ZFAND2A: variants seen among roughly 807,000 people sequenced by gnomAD.
ZFAND2A encodes the protein zinc finger AN1-type containing 2A.
Under a neutral mutation model 11.6 loss-of-function variants are expected in ZFAND2A, and 20 were observed. The observed-to-expected ratio is 1.72, with a 90% CI of 1.21 to 2.50. The LOEUF (loss-of-function observed/expected upper bound fraction) is 2.50, where lower values mean the gene tolerates loss of function less well. Among genes scored for constraint, ZFAND2A ranks in the 30% most tolerant of loss-of-function variants. The pLI, the probability that ZFAND2A is intolerant of heterozygous loss-of-function variation, is 0.00. For synonymous variants in ZFAND2A, 93 were observed against 60.6 expected, an observed-to-expected ratio of 1.54 and a Z score of -2.48; for missense variants, 234 against 182.9, an observed-to-expected ratio of 1.28 and a Z score of -1.61.
At chr7:1,155,656 C>G (rs1584027503) in intron 3 of ZFAND2A, 72 bp from the exon 4 acceptor site, 2 of 1,563,882 alleles carry the variant, frequency 1.3e-6, no homozygotes, top group Non-Finnish European at 1.7e-6. Context: ...TAAACGAGTA[C>G]TCCTGTGCGG....
chr7:1,155,934 C>T (rs563240179), intron 3 of ZFAND2A, among the ~76,000 whole-genome samples: 8 of 152,366 alleles, frequency 5.3e-5, no homozygotes, highest in Non-Finnish European at 8.8e-5. Context: ...CACAAAGACC[C>T]TCCAGCTCCC....
chr7:1,155,321 C>T (rs774833661), intron 4 of ZFAND2A, 132 bp downstream of exon 4: 52 of 1,279,448 alleles, frequency 4.1e-5, no homozygotes, highest in East Asian at 5.7e-5. Flanking sequence ...ACAGGGATAA[C>T]GCAGCGTTAG....
chr7:1,152,904 G>C (rs756210644), downstream of ZFAND2A: 2 of 1,056,002 alleles, frequency 1.9e-6, no homozygotes, highest in Admixed American at 4.0e-5. Flanking sequence ...AGAACAACTA[G>C]AATCAACTTC....
chr7:1,157,509 G>GA, intron 3 of ZFAND2A, 147 bp downstream of exon 3: 1 of 741,660 alleles, frequency 1.3e-6, no homozygotes, highest in Non-Finnish European at 2.2e-6. Context: ...GCAGGCACCT[G>GA]AAACGAGGCT....
chr7:1,153,455 G>A (rs953226211), intron 4 of ZFAND2A, among the ~76,000 whole-genome samples: 1 of 152,132 alleles, frequency 6.6e-6, no homozygotes, highest in African/African-American at 2.4e-5. Flanking sequence ...TGCTGCCCAG[G>A]CTGGTCTCAA....
At chr7:1,159,342 G>A (rs1414124401) in intron 1 of ZFAND2A, among the ~76,000 whole-genome samples, 8 of 152,196 alleles carry the variant, frequency 5.3e-5, no homozygotes, top group Non-Finnish European at 1.0e-4. Context: ...GGCCGGGCCC[G>A]CAGCAAGAAA....
rs1393484066 is a variant in ZFAND2A, at chr7:1,152,957, G to T, written c.*112C>A. On this transcript the variant is annotated 3_prime_UTR_variant, in exon 5 of 5. Transcript: ENST00000316495. ...TAGTCCCATCTCCCTCAACAAACAAGATCAGCAGCCAGTGTGGGATGGTGC... is the reference window on the plus strand; with the variant it reads ...TAGTCCCATCTCCCTCAACAAACAATATCAGCAGCCAGTGTGGGATGGTGC... 1 of 1,412,992 alleles carries T rather than the reference G, an allele frequency of 7.1e-7. No homozygotes were observed. Among genetic ancestry groups the T allele is most frequent in the Non-Finnish European group, 9.8e-7 (1 of 1,016,964 alleles). 87.5% of individuals were successfully genotyped at this position (1,412,992 alleles called of 1,614,324 possible). A position where few individuals can be genotyped will look rare whatever the true frequency, so the allele number is the denominator to read the frequency against.
At position 1,158,259 on chromosome 7, in the gene ZFAND2A, T is replaced by TGGCTCTCGTCGGGGACCCAGGCAGCTG; in HGVS notation, c.-45-3_-45-2insCAGCTGCCTGGGTCCCCGACGAGAGCC. 6.4e-7 allele frequency: 1 copy of TGGCTCTCGTCGGGGACCCAGGCAGCTG among 1,566,834 alleles called. No homozygotes were observed. The highest frequency in any genetic ancestry group is 1.1e-5 in the South Asian group (1 of 89,484). On this transcript the variant is annotated splice_polypyrimidine_tract_variant and splice_region_variant and intron_variant, in intron 1 of 4. Coordinates refer to ENST00000316495, the MANE Select transcript of ZFAND2A (RefSeq NM_182491.4). ...GCAGATGGCGGAGTTAAGTGTCACCTACAAGAGAATCAGAATAGTTAGGAG... is the reference window on the plus strand; with the variant it reads ...GCAGATGGCGGAGTTAAGTGTCACCTGGCTCTCGTCGGGGACCCAGGCAGCTGACAAGAGAATCAGAATAGTTAGGAG...
In ZFAND2A at chr7:1,160,007, T is replaced by C. The variant is rs192084914; in HGVS notation, c.-89A>G. 2.8e-3 allele frequency: 442 copies of C among 156,614 alleles called. 3 individuals carry two copies. The highest frequency in any genetic ancestry group is 0.01 in the African/African-American group (420 of 41,566). 9.7% of individuals were successfully genotyped at this position (156,614 alleles called of 1,614,324 possible). A position where few individuals can be genotyped will look rare whatever the true frequency, so the allele number is the denominator to read the frequency against. ...CCAGGCAGCTGAGGTGAGCAGCAGA[T>C]GGAAGAGACGTAAACTCAGGTGTCC... On this transcript the variant is annotated 5_prime_UTR_variant, in exon 1 of 5. Coordinates refer to ENST00000316495, the MANE Select transcript of ZFAND2A (RefSeq NM_182491.4).
chr7:1,153,335 C>A (rs1793444767), intron 4 of ZFAND2A, 111 bp from the exon 5 acceptor site: 29 of 1,181,854 alleles, frequency 2.5e-5, no homozygotes, highest in Non-Finnish European at 3.2e-5. Context: ...GCAACCTCTG[C>A]CTCCTGGACT....
chr7:1,149,322 G>C (rs907652743), downstream of ZFAND2A, among the ~76,000 whole-genome samples: 1 of 152,168 alleles, frequency 6.6e-6, no homozygotes, highest in African/African-American at 2.4e-5. Context: ...CAGCACACGA[G>C]GCCAGAGGTG....
intron 3 of ZFAND2A, 22 bp downstream of exon 3, chr7:1,157,634 T>G: frequency 6.4e-7 from 1 of 1,574,134 alleles, no homozygotes; most frequent in Non-Finnish European, 8.6e-7. Context: ...GATGAGAATC[T>G]TTTGAACAAA....
intron 4 of ZFAND2A, among the ~76,000 whole-genome samples, chr7:1,153,532 G>T (rs757421954): frequency 3.7e-4 from 55 of 148,682 alleles, no homozygotes; most frequent in South Asian, 1.5e-3. Context: ...GTGAGCCACT[G>T]TGCTGGCCTT....
intron 4 of ZFAND2A, 33 bp from the exon 5 acceptor site, chr7:1,153,257 C>A (rs1793442280): frequency 1.2e-6 from 2 of 1,601,550 alleles, no homozygotes; most frequent in Middle Eastern, 1.7e-4. Flanking sequence ...ACAAGCAATT[C>A]TTTTTTTGGA....
At chr7:1,152,743 C>T (rs907611520), downstream of ZFAND2A, among the ~76,000 whole-genome samples, 19 of 152,202 alleles carry the variant, frequency 1.2e-4, no homozygotes, top group Admixed American at 2.6e-4. Context: ...GCTGGGGAGA[C>T]GCAGCCGATG....
downstream of ZFAND2A, chr7:1,152,313 G>T: frequency 6.3e-7 from 1 of 1,581,412 alleles, no homozygotes. Context: ...TCTCCCAACG[G>T]CCTGGATTCA....
At chr7:1,159,688 A>G (rs555267036) in intron 1 of ZFAND2A, among the ~76,000 whole-genome samples, 1 of 41,084 alleles carries the variant, frequency 2.4e-5, no homozygotes, top group Admixed American at 2.4e-4. Context: ...CAGCAGCCAG[A>G]CCCCGGCAGG....
At chr7:1,158,016 T>C (rs1793572730) in intron 2 of ZFAND2A, 142 bp downstream of exon 2, 2 of 878,062 alleles carry the variant, frequency 2.3e-6, no homozygotes, top group Non-Finnish European at 3.6e-6. Flanking sequence ...GGATGCTAAG[T>C]GTCAAACAGA....
intron 3 of ZFAND2A, 152 bp downstream of exon 3, chr7:1,157,504 C>G: frequency 1.5e-6 from 1 of 682,552 alleles, no homozygotes; most frequent in East Asian, 2.9e-5. Context: ...TAACAGCAGG[C>G]ACCTGAAACG....
Sources: gnomAD v4.1 joint callset for allele counts (sites outside exome capture counted in the v4.1 genomes callset) on GRCh38, gnomAD v4.1.1 for gene constraint, MANE v1.5 for transcripts, NCBI Gene and HGNC (gene_info 2026-07-23, HGNC 2026-07-21) for gene names.